Variants in GNB1 observed in about 807,000 individuals in gnomAD.
GNB1 encodes guanine nucleotide-binding protein G(I)/G(S)/G(T) subunit beta-1.
In GNB1, 2 loss-of-function variants were observed where a neutral mutation model predicts 42.9. That is an observed-to-expected ratio of 0.05 (90% CI 0.02 to 0.15). The LOEUF (loss-of-function observed/expected upper bound fraction) is 0.15. Among genes scored for constraint, GNB1 ranks in the 10% least tolerant of loss-of-function variants. GNB1 has a pLI of 1.00. For missense variants in GNB1, 193 were observed against 462.2 expected (o/e 0.42, Z 5.34); for synonymous variants, 183 against 174.7 (o/e 1.05, Z -0.38).
chr1:1,841,344 C>A (rs567831541), intron 1 of GNB1, among the ~76,000 whole-genome samples: 33 of 152,104 alleles, frequency 2.2e-4, no homozygotes, highest in Non-Finnish European at 4.4e-4. Flanking sequence ...ACACGCCATG[C>A]CTTTTATTAT....
chr1:1,817,791 G>A (rs1226434744), intron 4 of GNB1, 46 bp downstream of exon 4: 2 of 1,438,772 alleles, frequency 1.4e-6, no homozygotes, highest in Admixed American at 3.3e-5. Context: ...TGCCGTGCTA[G>A]CCTCCTCACA....
At chr1:1,802,951 A>T (rs1057333353) in intron 7 of GNB1, among the ~76,000 whole-genome samples, 1 of 152,204 alleles carries the variant, frequency 6.6e-6, no homozygotes, top group Admixed American at 6.5e-5. Flanking sequence ...AGAAAAGAAC[A>T]GAGAACAGAA....
chr1:1,886,260 G>A (rs1013324388), intron 1 of GNB1, among the ~76,000 whole-genome samples: 4 of 152,170 alleles, frequency 2.6e-5, no homozygotes, highest in Non-Finnish European at 4.4e-5. Flanking sequence ...GGTGGTTGCA[G>A]TGAGCCGAGA....
At chr1:1,876,116 G>A (rs888614496) in intron 1 of GNB1, among the ~76,000 whole-genome samples, 4 of 152,078 alleles carry the variant, frequency 2.6e-5, no homozygotes, top group Non-Finnish European at 5.9e-5. Flanking sequence ...GAAGCACTGG[G>A]GCCCTGCCAA....
At position 1,834,948 on chromosome 1, in the gene GNB1, G is replaced by A. The variant is rs1376659316; in HGVS notation, c.-47+4242C>T. The stretch of plus-strand genomic sequence containing the variant: ...CTCCCAAAGTGCTGGGATTACAGGC[G>A]TGAGCCACTGCACCCGGCCTCCAAG... On this transcript the variant is annotated intron_variant, in intron 2 of 11. Transcript: ENST00000378609. 3.3e-5 allele frequency among the ~76,000 whole-genome samples: 5 copies of A among 152,074 alleles called. 1 individual carries two copies. Among genetic ancestry groups the A allele is most frequent in the African/African-American group, 7.2e-5 (3 of 41,398 alleles).
chr1:1,883,194 C>T (rs1210038651), intron 1 of GNB1, among the ~76,000 whole-genome samples: 1 of 150,264 alleles, frequency 6.7e-6, no homozygotes, highest in Non-Finnish European at 1.5e-5. Flanking sequence ...ATCGTATGAG[C>T]CCAGGAGGTC....
At chr1:1,800,213 A>G (rs1646605447) in intron 7 of GNB1, among the ~76,000 whole-genome samples, 1 of 152,246 alleles carries the variant, frequency 6.6e-6, no homozygotes, top group Non-Finnish European at 1.5e-5. Context: ...AACCTCAGGA[A>G]GATGAGATGC....
rs570967255 is a variant in GNB1, at chr1:1,880,910, T to C, written c.-96+9910A>G. Among the ~76,000 whole-genome samples the C allele has an allele frequency of 1.6e-4, 15 of 94,918 alleles. No homozygotes were observed. The South Asian group carries it at 4.7e-3, about 30-fold the overall frequency. The allele number at this position is 94,918 out of a possible 152,430, so 62.3% of individuals were successfully genotyped here. ...AGCTTAGAAGAAGTGGGAAGAGCAT[T>C]ATCAGGCTACGAAGACAAGAGTGGG... On this transcript the variant is annotated intron_variant, in intron 1 of 11. Transcript: ENST00000378609.
intron 10 of GNB1, 117 bp downstream of exon 10, chr1:1,788,936 G>T: frequency 1.4e-6 from 1 of 735,536 alleles, no homozygotes; most frequent in Non-Finnish European, 2.3e-6. Context: ...CTCCTGCTAC[G>T]CCATGCCACA....
chr1:1,803,094 G>A (rs552475587), intron 7 of GNB1, among the ~76,000 whole-genome samples: 1 of 152,338 alleles, frequency 6.6e-6, no homozygotes, highest in Middle Eastern at 3.4e-3. Context: ...TGATTTCTTT[G>A]GCTGCATGTG....
chr1:1,876,492 C>CGAGA (rs35226472), intron 1 of GNB1, among the ~76,000 whole-genome samples: 1,609 of 147,892 alleles, frequency 0.011, 47 homozygotes, highest in East Asian at 0.11. Context: ...CATGTGCACA[C>CGAGA]GAGAGAGAGA....
rs114683835 is a variant in GNB1, at chr1:1,822,959, T to C, written c.57+2438A>G. ...GGGTAAACTTTAAAATTCTGATTTC[T>C]AGGCCGGGCGTGGTGGCTCATGCCT... On this transcript the variant is annotated intron_variant, in intron 3 of 11. Coordinates refer to ENST00000378609, the MANE Select transcript of GNB1 (RefSeq NM_002074.5). Among the ~76,000 whole-genome samples the C allele has an allele frequency of 8.1e-3, 1,239 of 152,180 alleles. 20 individuals are homozygous for C. The highest frequency in any genetic ancestry group is 0.029 in the African/African-American group (1,202 of 41,520).
chr1:1,847,177 T>C (rs1252796470), intron 1 of GNB1, among the ~76,000 whole-genome samples: 1 of 152,040 alleles, frequency 6.6e-6, no homozygotes, highest in African/African-American at 2.4e-5. Context: ...TTTGTGCAAA[T>C]GCAGCCGGGT....
chr1:1,886,142 T>C (rs139154434), intron 1 of GNB1, among the ~76,000 whole-genome samples: 2 of 151,720 alleles, frequency 1.3e-5, no homozygotes, highest in South Asian at 2.1e-4. Context: ...TGAAACCCCA[T>C]CTCTACTAAA....
intron 1 of GNB1, among the ~76,000 whole-genome samples, chr1:1,873,930 G>A (rs984182659): frequency 2.2e-4 from 33 of 152,128 alleles, no homozygotes; most frequent in African/African-American, 7.7e-4. Context: ...AGGCAGCGTG[G>A]GGACTAAATA....
chr1:1,819,667 T>A (rs776578487), intron 3 of GNB1, among the ~76,000 whole-genome samples: 8 of 151,612 alleles, frequency 5.3e-5, no homozygotes, highest in Non-Finnish European at 8.8e-5. Flanking sequence ...GCCTCCTGAA[T>A]AGCTGGGACT....
chr1:1,877,522 G>A (rs1649617338), intron 1 of GNB1, among the ~76,000 whole-genome samples: 1 of 151,722 alleles, frequency 6.6e-6, no homozygotes, highest in African/African-American at 2.4e-5. Flanking sequence ...TTTAAAAATA[G>A]AGACAGGGTC....
At chr1:1,875,748 AG>A (rs1557947299) in intron 1 of GNB1, among the ~76,000 whole-genome samples, 1 of 152,164 alleles carries the variant, frequency 6.6e-6, no homozygotes, top group Non-Finnish European at 1.5e-5. Context: ...GCTGGCCACA[AG>A]GGGAATGGGA....
intron 1 of GNB1, among the ~76,000 whole-genome samples, chr1:1,883,699 G>A (rs1315425804): frequency 6.6e-6 from 1 of 152,224 alleles, no homozygotes; most frequent in African/African-American, 2.4e-5. Flanking sequence ...CAGGCTCAGG[G>A]AGGACAGAAA....
Sources: allele counts gnomAD v4.1 joint callset (sites outside exome capture counted in the v4.1 genomes callset), GRCh38; gene constraint gnomAD v4.1.1; transcripts MANE v1.5; gene names NCBI Gene and HGNC (gene_info 2026-07-23, HGNC 2026-07-21).